Variants in ENDOV observed in about 807,000 individuals in gnomAD.
ENDOV encodes endonuclease V, also known as hEndoV.
Under a neutral mutation model 39.4 loss-of-function variants are expected in ENDOV, and 37 were observed. The observed-to-expected ratio is 0.94, with a 90% CI of 0.72 to 1.23. The LOEUF (loss-of-function observed/expected upper bound fraction) is 1.23. Ranked by LOEUF, ENDOV falls within the 50% of genes most tolerant of loss-of-function variation. ENDOV has a pLI of 0.00. For synonymous variants in ENDOV, 186 were observed against 163.4 expected (o/e 1.14, Z -1.05); for missense variants, 441 against 375.7 (o/e 1.17, Z -1.44).
At chr17:80,415,561 G>A in intron 1 of ENDOV, 89 bp from the exon 2 acceptor site, 5 of 1,472,412 alleles carry the variant, frequency 3.4e-6, no homozygotes, top group African/African-American at 1.4e-5. Flanking sequence ...AGACCCGGCA[G>A]AGGCGCTCTG....
intron 9 of ENDOV, among the ~76,000 whole-genome samples, chr17:80,434,099 C>T (rs2083473167): frequency 6.6e-6 from 1 of 152,236 alleles, no homozygotes; most frequent in Non-Finnish European, 1.5e-5. Context: ...CCAGCAAGGG[C>T]TTCCTGTCTC....
At chr17:80,430,239 T>A in intron 9 of ENDOV, 12 of 1,470,968 alleles carry the variant, frequency 8.2e-6, no homozygotes, top group Non-Finnish European at 1.1e-5. Context: ...ATGAGACGCT[T>A]TCCCGGAGCC....
intron 1 of ENDOV, 86 bp downstream of exon 1, chr17:80,415,336 G>A: frequency 6.7e-7 from 1 of 1,502,020 alleles, no homozygotes; most frequent in South Asian, 1.2e-5. Context: ...TCTTCAGGCT[G>A]TGGAATCGGA....
At chr17:80,429,716 G>A in intron 8 of ENDOV, 57 bp from the exon 9 acceptor site, 1 of 1,516,390 alleles carries the variant, frequency 6.6e-7, no homozygotes, top group Non-Finnish European at 8.9e-7. Flanking sequence ...GGGGTGTGAG[G>A]GGGTGTCAGG....
At chr17:80,417,771 A>G (rs542746680) in intron 2 of ENDOV, 3 of 152,328 alleles carry the variant, frequency 2.0e-5, no homozygotes, top group Non-Finnish European at 4.4e-5. Flanking sequence ...TATAAACTCC[A>G]TGATGGTAGA....
chr17:80,423,151 G>C (rs2082270670), intron 4 of ENDOV, among the ~76,000 whole-genome samples: 1 of 152,228 alleles, frequency 6.6e-6, no homozygotes, highest in African/African-American at 2.4e-5. Context: ...CAGAGCCAAA[G>C]GGTTGTCATG....
chr17:80,436,346 TG>T lies in ENDOV; in HGVS notation c.*204del. The T allele has an allele frequency of 6.5e-7, 1 of 1,534,322 alleles. No individual in the cohort carries two copies. The stretch of plus-strand genomic sequence containing the variant: ...GTGGTGAGAGCACACGTCCTTGTCT[TG>T]TTCCTGATCTTAAGGGAACGTTTGC... On this transcript the variant is annotated 3_prime_UTR_variant, in exon 10 of 10. Transcript: ENST00000518137.
intron 4 of ENDOV, among the ~76,000 whole-genome samples, chr17:80,423,110 CG>C (rs1568225773): frequency 6.6e-6 from 1 of 152,246 alleles, no homozygotes; most frequent in East Asian, 1.9e-4. Flanking sequence ...AAGTGTGACT[CG>C]GCCCTGGCTG....
At position 80,436,477 on chromosome 17, in the gene ENDOV, C is replaced by CTGT; in HGVS notation, c.*334_*335insTGT. 1 of 808,828 alleles carries CTGT rather than the reference C, an allele frequency of 1.2e-6. No homozygotes were observed. The highest frequency in any genetic ancestry group is 1.8e-5 in the South Asian group (1 of 54,560). The allele number at this position is 808,828 out of a possible 1,614,324, so 50.1% of individuals were successfully genotyped here. A position where few individuals can be genotyped will look rare whatever the true frequency, so the allele number is the denominator to read the frequency against. On this transcript the variant is annotated 3_prime_UTR_variant, in exon 10 of 10. Transcript: ENST00000518137. ...GTCCTAATTTGTTAAGTGTTTTTAT[C>CTGT]CTTAAAGGGTACTGGATTTTGTCAA...
intron 2 of ENDOV, chr17:80,418,045 A>G (rs553314497): frequency 1.3e-5 from 2 of 152,220 alleles, no homozygotes; most frequent in Admixed American, 1.3e-4. Context: ...ACTGTGTGCT[A>G]AGATTGGGAT....
rs2083601218 is a variant in ENDOV, at chr17:80,436,542, C to A, written c.*399C>A. 1.3e-5 allele frequency: 5 copies of A among 388,022 alleles called. No individual in the cohort carries two copies. Among genetic ancestry groups the A allele is most frequent in the South Asian group, 9.8e-5 (4 of 40,810 alleles). 24.0% of individuals were successfully genotyped at this position (388,022 alleles called of 1,614,324 possible). A position where few individuals can be genotyped will look rare whatever the true frequency, so the allele number is the denominator to read the frequency against. On this transcript the variant is annotated 3_prime_UTR_variant, in exon 10 of 10. Coordinates refer to ENST00000518137, the MANE Select transcript of ENDOV (RefSeq NM_173627.5). ...TCTATTGAAAAGATCCTGTGTTCTT[C>A]TGTGAATATGAGGTGTTACATTGAT...
chr17:80,432,594 G>A (rs1232594849), intron 9 of ENDOV, among the ~76,000 whole-genome samples: 1 of 152,144 alleles, frequency 6.6e-6, no homozygotes, highest in African/African-American at 2.4e-5. Context: ...GTGAGTCCGG[G>A]GCTTAGGCAC....
chr17:80,429,061 C>T (rs990040420), intron 8 of ENDOV, among the ~76,000 whole-genome samples: 4 of 152,212 alleles, frequency 2.6e-5, no homozygotes, highest in African/African-American at 9.6e-5. Context: ...GTGGCGTTTG[C>T]ACTCTTCGAG....
chr17:80,424,629 C>G (rs1438602917), intron 5 of ENDOV, among the ~76,000 whole-genome samples: 1 of 152,204 alleles, frequency 6.6e-6, no homozygotes, highest in Non-Finnish European at 1.5e-5. Flanking sequence ...CAGTCCCCTT[C>G]CCTTTCCTGG....
chr17:80,433,154 C>T (rs1379039264), intron 9 of ENDOV: 3 of 520,012 alleles, frequency 5.8e-6, no homozygotes, highest in Non-Finnish European at 1.2e-5. Context: ...ATTAGAAGCA[C>T]AGTGTGGAAG....
At chr17:80,415,301 C>T (rs983078039) in intron 1 of ENDOV, 51 bp downstream of exon 1, 1 of 1,594,900 alleles carries the variant, frequency 6.3e-7, no homozygotes, top group Admixed American at 1.7e-5. Context: ...CCGGGCGGCC[C>T]TTCGCGGACC....
At chr17:80,424,034 G>A (rs940286251) in intron 5 of ENDOV, 3 of 243,318 alleles carry the variant, frequency 1.2e-5, no homozygotes, top group African/African-American at 7.0e-5. Flanking sequence ...ACAGCCTCCA[G>A]GCCCCCCTCC....
Position 80,421,845 on chromosome 17 carries a change from C to A in ENDOV, c.246C>A (p.Ser82Arg), listed in dbSNP as rs752174189. 1 of 1,599,414 alleles carries A rather than the reference C, an allele frequency of 6.3e-7. No homozygotes were observed. Among genetic ancestry groups the A allele is most frequent in the African/African-American group, 1.3e-5 (1 of 74,758 alleles). ...GGTGTCAGGTGGTGTATGAGGAGAGCCGCATGGTCAGCCTCACAGCCCCCT... is the reference window on the plus strand; with the variant it reads ...GGTGTCAGGTGGTGTATGAGGAGAGACGCATGGTCAGCCTCACAGCCCCCT... ...FPELEVVYEESRMVSLTAPYV... is the reference protein window; with the variant it reads ...FPELEVVYEERRMVSLTAPYV... Residue 82 changes from serine (S) to arginine (R), a missense_variant, in exon 3 of 10, where the codon AGC (serine) becomes AGA (arginine). Coordinates refer to ENST00000518137, the MANE Select transcript of ENDOV (RefSeq NM_173627.5).
chr17:80,424,524 C>T (rs542084818), intron 5 of ENDOV, among the ~76,000 whole-genome samples: 1 of 152,208 alleles, frequency 6.6e-6, no homozygotes, highest in Non-Finnish European at 1.5e-5. Flanking sequence ...GTGGGCAGCA[C>T]CCTCAGCTCA....
Sources: gnomAD v4.1 joint callset for allele counts (sites outside exome capture counted in the v4.1 genomes callset) on GRCh38, gnomAD v4.1.1 for gene constraint, MANE v1.5 for transcripts, NCBI Gene and HGNC (gene_info 2026-07-23, HGNC 2026-07-21) for gene names.